The following ADCY10 variants were observed in gnomAD, a reference collection of about 807,000 sequenced individuals.
ADCY10 encodes the protein adenylate cyclase type 10.
Under a neutral mutation model 183.3 loss-of-function variants are expected in ADCY10, and 156 were observed. That is an observed-to-expected ratio of 0.85 (90% CI 0.75 to 0.97). The LOEUF is 0.97. Ranked by LOEUF, ADCY10 falls within the 50% of genes least tolerant of loss-of-function variation. The pLI is 0.00. For synonymous variants in ADCY10, 645 were observed against 670.0 expected, an observed-to-expected ratio of 0.96 and a Z score of 0.58; for missense variants, 1,745 against 1,934.3, an observed-to-expected ratio of 0.90 and a Z score of 1.84.
intron 21 of ADCY10, 79 bp from the exon 22 acceptor site, chr1:167,837,397 C>A (rs1664295841): frequency 1.5e-6 from 2 of 1,317,130 alleles, no homozygotes; most frequent in South Asian, 1.2e-5. Flanking sequence ...ACCCAAGACT[C>A]TTGTTCCCTT....
intron 19 of ADCY10, among the ~76,000 whole-genome samples, chr1:167,848,029 G>A (rs1665173299): frequency 6.6e-6 from 1 of 151,976 alleles, no homozygotes; most frequent in Non-Finnish European, 1.5e-5. Context: ...AAGCCAAAGT[G>A]GAGTTTAGGG....
chr1:167,869,203 A>G (rs993343407), intron 14 of ADCY10, among the ~76,000 whole-genome samples: 1 of 152,170 alleles, frequency 6.6e-6, no homozygotes, highest in African/African-American at 2.4e-5. Flanking sequence ...AAACTCTTAT[A>G]TAGGAGTTAT....
rs1666238753 is a variant in ADCY10 at position 167,860,926 on chromosome 1, A to G, written c.1754T>C (p.Met585Thr). Residue 585 changes from methionine (M) to threonine (T), a missense_variant, in exon 15 of 33, where the codon ATG (methionine) becomes ACG (threonine). Transcript: ENST00000367851. ...ERQTNLRNKV[M>T]TLLDEKFYCL... is the part of the protein sequence containing the mutation. ...GTAGAACTTTTCATCCAACAGTGTCATGACTTTATTTCGAAGGTTGGTCTG... is the reference window on the plus strand; with the variant it reads ...GTAGAACTTTTCATCCAACAGTGTCGTGACTTTATTTCGAAGGTTGGTCTG... The G allele has an allele frequency of 2.5e-6, 4 of 1,614,176 alleles. No homozygotes were observed. The highest frequency in any genetic ancestry group is 4.5e-5 in the East Asian group (2 of 44,878).
chr1:167,884,691 TTAA>T (rs1329445082), intron 8 of ADCY10, among the ~76,000 whole-genome samples: 1 of 144,442 alleles, frequency 6.9e-6, no homozygotes, highest in Non-Finnish European at 1.5e-5. Context: ...TTCAATCATT[TTAA>T]TTTTTTTTTT....
At chr1:167,869,059 GC>G (rs1190822265) in intron 14 of ADCY10, among the ~76,000 whole-genome samples, 2 of 152,160 alleles carry the variant, frequency 1.3e-5, no homozygotes, top group African/African-American at 4.8e-5. Flanking sequence ...ATAATCAAAG[GC>G]AAGTAGTTAA....
chr1:167,894,608 T>C (rs1225523418), intron 7 of ADCY10, among the ~76,000 whole-genome samples: 4 of 151,128 alleles, frequency 2.6e-5, no homozygotes, highest in South Asian at 2.1e-4. Flanking sequence ...AAAATGATAA[T>C]GTGAAAAAAA....
rs1366576950 is a variant in ADCY10, at chr1:167,845,640, T to C, written c.2930A>G (p.His977Arg). 6.2e-7 allele frequency: 1 copy of C among 1,614,250 alleles called. No homozygotes were observed. Among genetic ancestry groups the C allele is most frequent in the Admixed American group, 1.7e-5 (1 of 60,036 alleles). The change falls in exon 21 of 33, where the codon CAC becomes CGC. Residue 977 changes from histidine (H) to arginine (R), a missense_variant. By Grantham distance (29) the His-to-Arg change is conservative. Coordinates refer to ENST00000367851, the MANE Select transcript of ADCY10 (RefSeq NM_018417.6). ...CRGRDFIPYH[H>R]FTVNIRLNAL... is the part of the protein sequence containing the mutation. ...GTTGAGCCGAATATTCACTGTGAAGTGATGATAGGGAATGAAGTCCCTGCC... is the reference window on the plus strand; with the variant it reads ...GTTGAGCCGAATATTCACTGTGAAGCGATGATAGGGAATGAAGTCCCTGCC...
chr1:167,891,180 T>G (rs1012024623), intron 8 of ADCY10, among the ~76,000 whole-genome samples: 7 of 151,942 alleles, frequency 4.6e-5, no homozygotes, highest in Admixed American at 1.3e-4. Flanking sequence ...CAGGCTGGTC[T>G]TGAACTCCTG....
At chr1:167,880,444 C>T (rs747681820) in intron 10 of ADCY10, 47 bp downstream of exon 10, 4 of 1,409,416 alleles carry the variant, frequency 2.8e-6, no homozygotes, top group Non-Finnish European at 4.0e-6. Flanking sequence ...CTACTTATGC[C>T]TCAAAAGGGT....
chr1:167,814,688 T>C (rs534100587), intron 31 of ADCY10, among the ~76,000 whole-genome samples: 2 of 151,584 alleles, frequency 1.3e-5, no homozygotes, highest in East Asian at 3.9e-4. Context: ...GGGTATAGAG[T>C]TGTTGTTTGA....
chr1:167,854,258 C>T, intron 18 of ADCY10, 95 bp downstream of exon 18: 2 of 1,465,470 alleles, frequency 1.4e-6, no homozygotes, highest in Non-Finnish European at 1.9e-6. Context: ...CTACAGGAAG[C>T]AGCCTGTGGA....
intron 16 of ADCY10, among the ~76,000 whole-genome samples, chr1:167,858,502 A>T (rs1326897549): frequency 2.0e-5 from 3 of 148,728 alleles, no homozygotes; most frequent in Non-Finnish European, 4.5e-5. Context: ...TGTCTCAAAA[A>T]AAAAAAAAAA....
At chr1:167,854,318 AC>A in intron 18 of ADCY10, 34 bp downstream of exon 18, 4 of 1,614,026 alleles carry the variant, frequency 2.5e-6, no homozygotes, top group Non-Finnish European at 3.4e-6. Context: ...GTTAGGCAGA[AC>A]AGAGTAAGAA....
chr1:167,845,650 G>A lies in ADCY10; in HGVS notation c.2920C>T (p.Pro974Ser), dbSNP rs777782090. 3.7e-6 allele frequency: 6 copies of A among 1,614,146 alleles called. No homozygotes were observed. In the African/African-American group the frequency reaches 8.0e-5, roughly 22 times the overall value. ...ATATTCACTGTGAAGTGATGATAGG[G>A]AATGAAGTCCCTGCCTCGGCAGTGG... Reference protein sequence around the residue: ...CDHCRGRDFIPYHHFTVNIRL... With the variant: ...CDHCRGRDFISYHHFTVNIRL... Residue 974 changes from proline to serine, a missense_variant, in exon 21 of 33, where the codon CCC becomes TCC. Coordinates refer to ENST00000367851, the MANE Select transcript of ADCY10 (RefSeq NM_018417.6).
chr1:167,906,163 A>G (rs1268882985), intron 1 of ADCY10, among the ~76,000 whole-genome samples: 3 of 152,180 alleles, frequency 2.0e-5, no homozygotes, highest in Admixed American at 1.3e-4. Context: ...AAGGGGAAGT[A>G]TTTAAAAAAT....
chr1:167,857,008 C>T lies in ADCY10; in HGVS notation c.1897-569G>A, dbSNP rs562380812. Among the ~76,000 whole-genome samples, 10 of 152,332 alleles carry T rather than the reference C, an allele frequency of 6.6e-5. No individual in the cohort carries two copies. In the East Asian group the frequency reaches 9.6e-4, roughly 15 times the overall value. ...CTTTTCTCATATAGACTACCCTCCC[C>T]TAAGTAGTCTGAATTATTTATTCAC... On this transcript the variant is annotated intron_variant, in intron 16 of 32. Coordinates refer to ENST00000367851, the MANE Select transcript of ADCY10 (RefSeq NM_018417.6).
intron 14 of ADCY10, among the ~76,000 whole-genome samples, chr1:167,863,401 C>T (rs574372378): frequency 1.1e-3 from 169 of 152,298 alleles, no homozygotes; most frequent in African/African-American, 3.7e-3. Flanking sequence ...TCGATCACGA[C>T]CCTCTCATGC....
chr1:167,838,630 T>C (rs1382417519), intron 21 of ADCY10, among the ~76,000 whole-genome samples: 1 of 152,250 alleles, frequency 6.6e-6, no homozygotes, highest in Admixed American at 6.5e-5. Flanking sequence ...AATTTCTCCC[T>C]AGGCAGTTTC....
chr1:167,854,128 G>A (rs1440244948), intron 18 of ADCY10, among the ~76,000 whole-genome samples: 6 of 152,086 alleles, frequency 3.9e-5, no homozygotes, highest in Non-Finnish European at 8.8e-5. Context: ...GTGAGCCACC[G>A]CGCCCGGCCA....
Sources: gnomAD v4.1 joint callset for allele counts (sites outside exome capture counted in the v4.1 genomes callset) on GRCh38, gnomAD v4.1.1 for gene constraint, MANE v1.5 for transcripts, NCBI Gene and HGNC (gene_info 2026-07-23, HGNC 2026-07-21) for gene names.